The following MBP variants were observed in gnomAD, a reference collection of about 807,000 sequenced individuals.
MBP encodes the protein myelin basic protein.
A neutral mutation model predicts 35.8 loss-of-function variants in MBP; 16 were observed. The observed-to-expected ratio is 0.45, with a 90% CI of 0.30 to 0.68. The LOEUF is 0.68. Ranked by LOEUF, MBP falls within the 30% of genes least tolerant of loss-of-function variation. MBP has a pLI of 0.08. For missense variants in MBP, 380 were observed against 404.7 expected (o/e 0.94, Z 0.52); for synonymous variants, 143 against 159.6 (o/e 0.90, Z 0.78).
chr18:77,128,267 C>T (rs769200130), intron 1 of MBP, among the ~76,000 whole-genome samples: 6 of 152,096 alleles, frequency 3.9e-5, no homozygotes, highest in Non-Finnish European at 8.8e-5. Context: ...TTGCGTTTAG[C>T]GGAAAAAGCC....
Position 77,079,156 on chromosome 18 carries a change from G to T in MBP, c.52-12771C>A, listed in dbSNP as rs551496302. On this transcript the variant is annotated intron_variant, in intron 2 of 8. Coordinates refer to ENST00000355994, the MANE Select transcript of MBP (RefSeq NM_001025101.2). ...GGTTCCAACGTGCTCAGAGTGGCTG[G>T]TAAAGGGTCTTTCGGACCAGGGGTA... Among the ~76,000 whole-genome samples the T allele has an allele frequency of 2.0e-5, 3 of 152,378 alleles. No homozygotes were observed. In the East Asian group the frequency reaches 5.8e-4, roughly 29 times the overall value.
chr18:76,991,842 T>C (rs377062313), intron 4 of MBP, among the ~76,000 whole-genome samples: 2 of 152,188 alleles, frequency 1.3e-5, no homozygotes, highest in African/African-American at 2.4e-5. Context: ...TGCACATTGA[T>C]TGGGAGGACC....
intron 1 of MBP, among the ~76,000 whole-genome samples, chr18:77,122,844 G>A (rs1278420110): frequency 1.3e-5 from 2 of 152,136 alleles, no homozygotes; most frequent in Non-Finnish European, 2.9e-5. Flanking sequence ...CGCCCGGCTA[G>A]TATATTTTCC....
At chr18:77,078,334 C>T (rs924470704) in intron 2 of MBP, among the ~76,000 whole-genome samples, 22 of 152,210 alleles carry the variant, frequency 1.4e-4, no homozygotes, top group Admixed American at 1.2e-3. Flanking sequence ...CCCTGTCATT[C>T]TACCACCCGC....
intron 4 of MBP, chr18:77,014,490 T>C: frequency 1.0e-6 from 1 of 985,464 alleles, no homozygotes; most frequent in Non-Finnish European, 1.2e-6. Context: ...ACTGCTCGTT[T>C]GCACACCTCT....
At position 77,131,231 on chromosome 18, in the gene MBP, T is replaced by C. The variant is rs569098381; in HGVS notation, c.-26+1349A>G. 4.6e-5 allele frequency among the ~76,000 whole-genome samples: 7 copies of C among 152,104 alleles called. No homozygotes were observed. The South Asian group carries it at 1.5e-3, about 32-fold the overall frequency. On this transcript the variant is annotated intron_variant, in intron 1 of 8. Coordinates refer to ENST00000355994, the MANE Select transcript of MBP (RefSeq NM_001025101.2). The surrounding 1 kb of genome is among the most constrained non-coding windows in gnomAD (Gnocchi z 5.5). ...GCCCCAACCGCTAAGGAGGTGCTCA[T>C]CACTGGAGGTGGCCGCCAGGGAGCT...
intron 3 of MBP, among the ~76,000 whole-genome samples, chr18:77,033,609 A>G (rs910560791): frequency 1.3e-5 from 2 of 151,388 alleles, no homozygotes; most frequent in Non-Finnish European, 2.9e-5. Context: ...CCATGCATTC[A>G]CTCACCCATC....
chr18:77,116,344 G>A (rs981926053), intron 1 of MBP, among the ~76,000 whole-genome samples: 1 of 152,208 alleles, frequency 6.6e-6, no homozygotes. Flanking sequence ...CATTTTACCG[G>A]GTGAGTCCTT....
intron 4 of MBP, chr18:77,003,807 A>C (rs1970762948): frequency 1.3e-5 from 2 of 152,148 alleles, no homozygotes; most frequent in Admixed American, 1.3e-4. Context: ...TAAGTGATTA[A>C]ATGATCCTCC....
chr18:77,046,934 C>T (rs1392883090), intron 3 of MBP, among the ~76,000 whole-genome samples: 1 of 152,222 alleles, frequency 6.6e-6, no homozygotes, highest in Non-Finnish European at 1.5e-5. Flanking sequence ...TGCCAGGAAA[C>T]ATCAGGGCCT....
chr18:77,112,942 G>A (rs1460896510), intron 1 of MBP: 2 of 152,128 alleles, frequency 1.3e-5, no homozygotes, highest in Non-Finnish European at 2.9e-5. Flanking sequence ...AGAAAGGAGA[G>A]GGATTTTTTT....
intron 3 of MBP, among the ~76,000 whole-genome samples, chr18:77,029,279 C>T (rs988150185): frequency 1.3e-5 from 2 of 149,660 alleles, no homozygotes; most frequent in Admixed American, 6.7e-5. Context: ...GGCGTGGCGG[C>T]GCGCGCCTGC....
chr18:77,034,110 C>A (rs1283230895), intron 3 of MBP, among the ~76,000 whole-genome samples: 1 of 118,588 alleles, frequency 8.4e-6, no homozygotes. Flanking sequence ...ATCACAGGAG[C>A]CTTTAGGCAG....
At chr18:76,985,131 G>T in intron 7 of MBP, 1 of 1,535,672 alleles carries the variant, frequency 6.5e-7, no homozygotes, top group South Asian at 1.2e-5. Flanking sequence ...TTGGGCGGAG[G>T]CTCTCTCATG....
chr18:77,118,756 CCACA>C (rs568438098), intron 1 of MBP, among the ~76,000 whole-genome samples: 91 of 149,094 alleles, frequency 6.1e-4, no homozygotes, highest in African/African-American at 2.2e-3. Flanking sequence ...CACACACACA[CCACA>C]CACACACACT....
chr18:77,114,930 C>A (rs983536911), intron 1 of MBP: 1 of 152,462 alleles, frequency 6.6e-6, no homozygotes, highest in African/African-American at 2.4e-5. Flanking sequence ...CCTTCCTATT[C>A]CTGCTCTCCC....
At chr18:77,060,982 C>T (rs74934932) in intron 3 of MBP, among the ~76,000 whole-genome samples, 7,476 of 152,274 alleles carry the variant, frequency 0.049, 240 homozygotes, top group Middle Eastern at 0.11. Flanking sequence ...AGCAACCAGC[C>T]GCTCAGAACT....
intron 4 of MBP, among the ~76,000 whole-genome samples, chr18:76,992,036 C>G (rs1969957722): frequency 6.6e-6 from 1 of 152,216 alleles, no homozygotes; most frequent in African/African-American, 2.4e-5. Context: ...CATTGTTCAC[C>G]TCTGTGTCTG....
At chr18:77,004,127 T>C (rs470793) in intron 4 of MBP, 9,716 of 152,284 alleles carry the variant, frequency 0.064, 382 homozygotes, top group Middle Eastern at 0.15. Context: ...CCCCTTTTCT[T>C]ACTCTCCATC....
Sources: gnomAD v4.1 joint callset for allele counts (sites outside exome capture counted in the v4.1 genomes callset) on GRCh38, gnomAD v4.1.1 for gene constraint, Gnocchi (gnomAD v3.1) non-coding constraint, MANE v1.5 for transcripts, NCBI Gene and HGNC (gene_info 2026-07-23, HGNC 2026-07-21) for gene names.